The following TNKS variants were observed in gnomAD, a reference collection of about 807,000 sequenced individuals.
TNKS encodes the protein tankyrase, also known as poly [ADP-ribose] polymerase tankyrase-1.
A neutral mutation model predicts 135.8 loss-of-function variants in TNKS; 72 were observed. That is an observed-to-expected ratio of 0.53 (90% CI 0.44 to 0.64). The LOEUF (loss-of-function observed/expected upper bound fraction) is 0.64. Among genes scored for constraint, TNKS ranks in the 30% least tolerant of loss-of-function variants. TNKS has a pLI of 0.00. For synonymous variants in TNKS, 849 were observed against 649.3 expected, an observed-to-expected ratio of 1.31 and a Z score of -4.68; for missense variants, 1,769 against 1,674.0, an observed-to-expected ratio of 1.06 and a Z score of -0.99.
chr8:9,660,773 G>A lies in TNKS; in HGVS notation c.995-19178G>A, dbSNP rs568676492. On this transcript the variant is annotated intron_variant, in intron 3 of 26. Transcript: ENST00000310430. ...AGGAGAAGGAAATAAAGGGCATTCA[G>A]TTAGGAAAAGAGGAAGTCAGATTGT... 3.4e-4 allele frequency among the ~76,000 whole-genome samples: 52 copies of A among 152,244 alleles called. 1 individual carries two copies. Among genetic ancestry groups the A allele is most frequent in the Admixed American group, 1.4e-3 (22 of 15,280 alleles).
At chr8:9,727,295 G>A (rs1429116007) in intron 13 of TNKS, among the ~76,000 whole-genome samples, 1 of 152,054 alleles carries the variant, frequency 6.6e-6, no homozygotes, top group Non-Finnish European at 1.5e-5. Context: ...AATGGTTGTA[G>A]TTTTATTTTT....
At chr8:9,593,562 C>T (rs1798665166) in intron 2 of TNKS, among the ~76,000 whole-genome samples, 1 of 152,124 alleles carries the variant, frequency 6.6e-6, no homozygotes, top group South Asian at 2.1e-4. Context: ...AAACCCCCTT[C>T]CCCCCAAACC....
chr8:9,764,944 A>G (rs980325289), intron 23 of TNKS, among the ~76,000 whole-genome samples, 154 bp downstream of exon 23: 5 of 152,218 alleles, frequency 3.3e-5, no homozygotes, highest in African/African-American at 7.2e-5. Flanking sequence ...TCTCACTACA[A>G]TATCTCTAAC....
chr8:9,576,483 T>C (rs1365397283), intron 1 of TNKS, among the ~76,000 whole-genome samples: 1 of 149,508 alleles, frequency 6.7e-6, no homozygotes, highest in East Asian at 1.9e-4. Flanking sequence ...TTTTTTTTTT[T>C]TTTTTGAGAT....
At chr8:9,752,823 T>C (rs1806618686) in intron 20 of TNKS, among the ~76,000 whole-genome samples, 197 bp downstream of exon 20, 1 of 151,880 alleles carries the variant, frequency 6.6e-6, no homozygotes, top group Non-Finnish European at 1.5e-5. Flanking sequence ...TAGCTGAGCA[T>C]GGTGACTTAC....
intron 1 of TNKS, among the ~76,000 whole-genome samples, chr8:9,578,928 C>T (rs565833604): frequency 2.0e-5 from 3 of 152,262 alleles, no homozygotes; most frequent in African/African-American, 7.2e-5. Context: ...TACCACTATA[C>T]TAAAATTAGT....
intron 3 of TNKS, among the ~76,000 whole-genome samples, chr8:9,629,871 A>G (rs910567966): frequency 2.0e-5 from 3 of 152,014 alleles, no homozygotes; most frequent in Non-Finnish European, 4.4e-5. Flanking sequence ...TTTAGTAGAG[A>G]CGGGGTTTCA....
rs886654823 is a variant in TNKS at position 9,569,221 on chromosome 8, C to A, written c.674-10938C>A. Among the ~76,000 whole-genome samples the A allele has an allele frequency of 2.0e-5, 3 of 152,176 alleles. No individual in the cohort carries two copies. The South Asian group carries it at 6.2e-4, about 31-fold the overall frequency. The stretch of plus-strand genomic sequence containing the variant: ...AAGATTCTAATAATTCCTGTCATCA[C>A]TCCCTGGACGACATCAGCTATTACC... On this transcript the variant is annotated intron_variant, in intron 1 of 26. Transcript: ENST00000310430.
intron 3 of TNKS, 46 bp from the exon 4 acceptor site, chr8:9,679,905 T>C: frequency 9.2e-6 from 14 of 1,518,696 alleles, no homozygotes; most frequent in Non-Finnish European, 1.3e-5. Context: ...TTTCTTAATC[T>C]GTCTTCTGCC....
intron 24 of TNKS, among the ~76,000 whole-genome samples, 168 bp downstream of exon 24, chr8:9,765,965 A>G (rs899987732): frequency 6.6e-6 from 1 of 152,222 alleles, no homozygotes; most frequent in African/African-American, 2.4e-5. Flanking sequence ...AATGTATCAC[A>G]CATCAGTACA....
At chr8:9,687,936 T>C (rs1182259391) in intron 5 of TNKS, among the ~76,000 whole-genome samples, 1 of 152,210 alleles carries the variant, frequency 6.6e-6, no homozygotes, top group Non-Finnish European at 1.5e-5. Flanking sequence ...AACCGAACTT[T>C]ACATTAGTAG....
intron 17 of TNKS, among the ~76,000 whole-genome samples, chr8:9,746,134 G>A (rs1015767133): frequency 1.3e-5 from 2 of 152,128 alleles, no homozygotes; most frequent in Non-Finnish European, 2.9e-5. Context: ...TATCCAAACT[G>A]ACCAAGTTAT....
At chr8:9,598,986 T>C (rs1374774663) in intron 2 of TNKS, among the ~76,000 whole-genome samples, 1 of 151,576 alleles carries the variant, frequency 6.6e-6, no homozygotes, top group Non-Finnish European at 1.5e-5. Flanking sequence ...CATAAACAGA[T>C]TGGGAAGCAC....
chr8:9,691,878 T>G (rs531655271), intron 5 of TNKS, among the ~76,000 whole-genome samples: 145 of 152,214 alleles, frequency 9.5e-4, no homozygotes, highest in Non-Finnish European at 1.5e-3. Context: ...TCAGTACAGA[T>G]TGAAGATCTT....
intron 3 of TNKS, among the ~76,000 whole-genome samples, chr8:9,663,814 G>A (rs567810193): frequency 2.0e-5 from 3 of 152,212 alleles, no homozygotes; most frequent in Admixed American, 2.0e-4. Context: ...TCAGTGGGCA[G>A]GGGCAAGGAG....
chr8:9,682,049 G>T (rs1802805137), intron 5 of TNKS, among the ~76,000 whole-genome samples: 1 of 152,016 alleles, frequency 6.6e-6, no homozygotes, highest in Non-Finnish European at 1.5e-5. Flanking sequence ...TTTTTAAATG[G>T]TAACTGTTCA....
intron 3 of TNKS, chr8:9,670,029 A>G (rs1230728052): frequency 6.6e-6 from 1 of 152,128 alleles, no homozygotes; most frequent in African/African-American, 2.4e-5. Flanking sequence ...AACATAATTA[A>G]CCGTCTCTTA....
At chr8:9,573,081 TTCTTAA>T (rs906610709) in intron 1 of TNKS, among the ~76,000 whole-genome samples, 1 of 152,148 alleles carries the variant, frequency 6.6e-6, no homozygotes, top group African/African-American at 2.4e-5. Context: ...ATTCTAGTTT[TTCTTAA>T]TGTTTCTAAA....
At chr8:9,717,244 A>G (rs1460912973) in intron 11 of TNKS, among the ~76,000 whole-genome samples, 1 of 146,164 alleles carries the variant, frequency 6.8e-6, no homozygotes, top group Non-Finnish European at 1.5e-5. Flanking sequence ...AAACATTTCA[A>G]GTAAAATATT....
Sources: allele counts gnomAD v4.1 joint callset (sites outside exome capture counted in the v4.1 genomes callset), GRCh38; gene constraint gnomAD v4.1.1; transcripts MANE v1.5; gene names NCBI Gene and HGNC (gene_info 2026-07-23, HGNC 2026-07-21).